The following FSTL5 variants were observed in gnomAD, a reference collection of about 807,000 sequenced individuals.
The protein encoded by FSTL5 is follistatin like 5.
FSTL5 carries 62 observed loss-of-function variants against 89.1 expected under a neutral mutation model. The ratio of observed to expected loss-of-function variants is 0.70; its 90% confidence interval spans 0.57 to 0.86. FSTL5 has a LOEUF of 0.86. Ranked by LOEUF, FSTL5 falls within the 40% of genes least tolerant of loss-of-function variation. The pLI is 0.00. For missense variants in FSTL5, 1,057 were observed against 1,001.6 expected (o/e 1.06, Z -0.75); for synonymous variants, 383 against 346.2 (o/e 1.11, Z -1.18).
rs1733797365 is a variant in FSTL5 at position 162,163,953 on chromosome 4, A to G, written c.-355T>C. The stretch of plus-strand genomic sequence containing the variant: ...GCGTCTCAGGTTCAGCACCGACAGC[A>G]CAGTGGACAGTACCAGCTCCTTTCA... On this transcript the variant is annotated 5_prime_UTR_variant, in exon 1 of 16. Transcript: ENST00000306100. 6.6e-6 allele frequency: 1 copy of G among 152,382 alleles called. No homozygotes were observed. The highest frequency in any genetic ancestry group is 1.5e-5 in the Non-Finnish European group (1 of 68,200). The allele number at this position is 152,382 out of a possible 1,614,324, so 9.4% of individuals were successfully genotyped here. A position where few individuals can be genotyped will look rare whatever the true frequency, so the allele number is the denominator to read the frequency against.
chr4:161,661,933 G>A (rs1736727800), intron 6 of FSTL5, among the ~76,000 whole-genome samples: 1 of 152,086 alleles, frequency 6.6e-6, no homozygotes, highest in South Asian at 2.1e-4. Flanking sequence ...AGAATAATGA[G>A]GAACTGCCCA....
chr4:161,524,893 G>T (rs1731162704), intron 10 of FSTL5, among the ~76,000 whole-genome samples: 1 of 151,852 alleles, frequency 6.6e-6, no homozygotes, highest in Admixed American at 6.6e-5. Context: ...GGGAGGGGGA[G>T]GTTGCAGTAA....
At chr4:162,153,782 C>CAT (rs887656161) in intron 1 of FSTL5, among the ~76,000 whole-genome samples, 16 of 124,898 alleles carry the variant, frequency 1.3e-4, no homozygotes, top group African/African-American at 4.2e-4. Flanking sequence ...TATATGTATA[C>CAT]ATATATATGT....
At chr4:161,501,035 A>T (rs766239281) in intron 11 of FSTL5, among the ~76,000 whole-genome samples, 32 of 152,094 alleles carry the variant, frequency 2.1e-4, no homozygotes, top group Non-Finnish European at 4.6e-4. Context: ...TTGACCTGTT[A>T]TATTGGTTTA....
chr4:161,470,395 T>A (rs1000052982), intron 13 of FSTL5, among the ~76,000 whole-genome samples: 4 of 151,996 alleles, frequency 2.6e-5, no homozygotes, highest in Non-Finnish European at 5.9e-5. Context: ...TAAAAAAAAA[T>A]TGACTATATA....
At chr4:162,072,888 A>G (rs1729686269) in intron 2 of FSTL5, among the ~76,000 whole-genome samples, 1 of 151,774 alleles carries the variant, frequency 6.6e-6, no homozygotes. Context: ...CCTCAGTAGA[A>G]CAAAAAAGGC....
chr4:162,095,203 A>G (rs1176201417), intron 2 of FSTL5, among the ~76,000 whole-genome samples: 1 of 152,136 alleles, frequency 6.6e-6, no homozygotes, highest in Non-Finnish European at 1.5e-5. Flanking sequence ...GTGGGTTTCA[A>G]GAGAGGCCAA....
intron 3 of FSTL5, among the ~76,000 whole-genome samples, chr4:161,942,406 G>C (rs533730972): frequency 6.4e-4 from 97 of 151,914 alleles, no homozygotes; most frequent in African/African-American, 2.2e-3. Flanking sequence ...AAATTAAAAA[G>C]AAGATTCAAA....
At chr4:161,463,029 C>CGAATATTTTTATGAATGGAAAGA (rs1326588567) in intron 13 of FSTL5, among the ~76,000 whole-genome samples, 11 of 151,712 alleles carry the variant, frequency 7.3e-5, no homozygotes, top group East Asian at 5.8e-4. Flanking sequence ...CCTTAAAGAA[C>CGAATATTTTTATGAATGGAAAGA]GAATATTTTT....
At chr4:161,480,147 C>T (rs1729446321) in intron 13 of FSTL5, among the ~76,000 whole-genome samples, 1 of 152,168 alleles carries the variant, frequency 6.6e-6, no homozygotes, top group African/African-American at 2.4e-5. Context: ...CCAGTTTCCC[C>T]AGAAATTTTG....
intron 7 of FSTL5, among the ~76,000 whole-genome samples, chr4:161,632,315 G>A (rs976715300): frequency 2.0e-5 from 3 of 152,184 alleles, no homozygotes; most frequent in African/African-American, 7.2e-5. Context: ...GGGTGGCAGA[G>A]GTTGCAATGA....
chr4:162,008,639 G>A (rs866697610), intron 3 of FSTL5, among the ~76,000 whole-genome samples: 1 of 151,874 alleles, frequency 6.6e-6, no homozygotes, highest in Middle Eastern at 3.4e-3. Flanking sequence ...TAAATAATTA[G>A]TTATTACCTA....
intron 15 of FSTL5, among the ~76,000 whole-genome samples, chr4:161,423,836 T>C (rs535691989): frequency 2.1e-4 from 32 of 150,326 alleles, no homozygotes; most frequent in South Asian, 6.3e-4. Context: ...CTAGTATTTT[T>C]ATTTTATTTT....
At chr4:161,754,722 A>AT (rs1740514036) in intron 6 of FSTL5, among the ~76,000 whole-genome samples, 1 of 152,260 alleles carries the variant, frequency 6.6e-6, no homozygotes, top group East Asian at 1.9e-4. Context: ...TTCATAACCT[A>AT]AGCAAATAAA....
rs201087221 is a variant in FSTL5 at position 161,929,544 on chromosome 4, T to A, written c.161-8892A>T. On this transcript the variant is annotated intron_variant, in intron 3 of 15. Transcript: ENST00000306100. Reference sequence around the variant, plus strand: ...TGTGTGATATTTATTTTTATGAATTTTTTTGTGGAATGTACATAACTGGAA... The same window carrying A: ...TGTGTGATATTTATTTTTATGAATTATTTTGTGGAATGTACATAACTGGAA... 0.012 allele frequency among the ~76,000 whole-genome samples: 1,788 copies of A among 151,830 alleles called. 83 individuals are homozygous for A. In the East Asian group the frequency reaches 0.16, roughly 13 times the overall value.
At chr4:161,612,691 C>A (rs1032714945) in intron 7 of FSTL5, among the ~76,000 whole-genome samples, 1 of 152,080 alleles carries the variant, frequency 6.6e-6, no homozygotes, top group Non-Finnish European at 1.5e-5. Flanking sequence ...CGCTATAAAA[C>A]GTCAGAAGAA....
chr4:161,572,315 G>A (rs1159536576), intron 8 of FSTL5, among the ~76,000 whole-genome samples: 3 of 84,588 alleles, frequency 3.5e-5, no homozygotes, highest in African/African-American at 1.1e-4. Context: ...GTGAGACTCC[G>A]TCTAAAAAAA....
At chr4:161,984,110 C>T (rs1224525675) in intron 3 of FSTL5, among the ~76,000 whole-genome samples, 1 of 151,912 alleles carries the variant, frequency 6.6e-6, no homozygotes, top group African/African-American at 2.4e-5. Context: ...TAAAATATTA[C>T]AAAATACAAT....
chr4:162,008,070 T>C (rs1242853696), intron 3 of FSTL5, among the ~76,000 whole-genome samples: 2 of 151,844 alleles, frequency 1.3e-5, no homozygotes, highest in African/African-American at 2.4e-5. Flanking sequence ...TAAAATATAC[T>C]ATGATAAAGT....
Sources: allele counts gnomAD v4.1 joint callset (sites outside exome capture counted in the v4.1 genomes callset), GRCh38; gene constraint gnomAD v4.1.1; transcripts MANE v1.5; gene names NCBI Gene and HGNC (gene_info 2026-07-23, HGNC 2026-07-21).